Variants in LRRC3B observed in about 807,000 individuals in gnomAD.
LRRC3B encodes the protein leucine rich repeat containing 3B.
In LRRC3B, 2 loss-of-function variants were observed where a neutral mutation model predicts 12.8. The observed-to-expected ratio is 0.16, with a 90% confidence interval of 0.06 to 0.49. LRRC3B has a LOEUF of 0.49. LRRC3B is among the 20% of genes least tolerant of loss of function. LRRC3B has a pLI of 0.96. For synonymous variants in LRRC3B, 132 were observed against 122.0 expected, an observed-to-expected ratio of 1.08 and a Z score of -0.54; for missense variants, 189 against 319.4, an observed-to-expected ratio of 0.59 and a Z score of 3.11.
chr3:26,707,715 T>C (rs573616444), intron 1 of LRRC3B, among the ~76,000 whole-genome samples: 1 of 152,316 alleles, frequency 6.6e-6, no homozygotes, highest in Non-Finnish European at 1.5e-5. Context: ...TCATGCCCTT[T>C]TCCTAGAATT....
chr3:26,684,409 A>G (rs902557137), intron 1 of LRRC3B, among the ~76,000 whole-genome samples: 4 of 152,118 alleles, frequency 2.6e-5, no homozygotes, highest in Non-Finnish European at 5.9e-5. Context: ...ACTCTTTTCT[A>G]TCTCCTTTCT....
At chr3:26,707,899 C>T (rs1363542689) in intron 1 of LRRC3B, among the ~76,000 whole-genome samples, 1 of 152,078 alleles carries the variant, frequency 6.6e-6, no homozygotes, top group Non-Finnish European at 1.5e-5. Flanking sequence ...TGATGGAGGG[C>T]TTAGTAAGCT....
intron 1 of LRRC3B, among the ~76,000 whole-genome samples, chr3:26,682,851 T>G (rs2125442621): frequency 6.6e-6 from 1 of 152,346 alleles, no homozygotes; most frequent in East Asian, 1.9e-4. Context: ...TCTACATCAA[T>G]TAGCTCTCTA....
intron 1 of LRRC3B, among the ~76,000 whole-genome samples, chr3:26,652,661 T>A (rs544118248): frequency 8.5e-5 from 13 of 152,306 alleles, no homozygotes; most frequent in African/African-American, 3.1e-4. Context: ...ATTTTCTATC[T>A]CATTCCTTGG....
rs559329895 is a variant in LRRC3B at position 26,690,596 on chromosome 3, G to C, written c.-160-18917G>C. On this transcript the variant is annotated intron_variant, in intron 1 of 1. Transcript: ENST00000396641. ...TGCTTCCCAGAGGAAAATCAACTCA[G>C]AGCAACATTATTCTCTGTGGAACTT... Among the ~76,000 whole-genome samples, 4 of 152,210 alleles carry C rather than the reference G, an allele frequency of 2.6e-5. No individual in the cohort carries two copies. The South Asian group carries it at 8.3e-4, about 32-fold the overall frequency.
chr3:26,705,017 G>T (rs762561542), intron 1 of LRRC3B, among the ~76,000 whole-genome samples: 2 of 152,118 alleles, frequency 1.3e-5, no homozygotes, highest in African/African-American at 2.4e-5. Context: ...CTGTGAGTTG[G>T]TACGCTCACT....
chr3:26,710,487 G>GA (rs745654263), exon 2 of LRRC3B: 1 of 1,516,442 alleles, frequency 6.6e-7, no homozygotes, highest in East Asian at 2.3e-5. Context: ...AAGAAAGAAA[G>GA]TAGTTTGCGA....
intron 1 of LRRC3B, among the ~76,000 whole-genome samples, chr3:26,666,996 C>T (rs1421458326): frequency 1.3e-5 from 2 of 151,706 alleles, no homozygotes; most frequent in African/African-American, 4.9e-5. Flanking sequence ...CAACTTTTGC[C>T]AGCAACAACA....
chr3:26,658,082 T>C (rs1006122070), intron 1 of LRRC3B, among the ~76,000 whole-genome samples: 4 of 152,186 alleles, frequency 2.6e-5, no homozygotes, highest in African/African-American at 9.6e-5. Context: ...CAGCTTTCTT[T>C]CTTTCTTTTT....
rs371172682 is a variant in LRRC3B at position 26,638,352 on chromosome 3, T to C, written c.-161+15115T>C. ...TGTCATAGGTACTATAAAGGTAGTGTAGTCTGTTGCCTGCCTTTTAAATGG... is the reference window on the plus strand; with the variant it reads ...TGTCATAGGTACTATAAAGGTAGTGCAGTCTGTTGCCTGCCTTTTAAATGG... On this transcript the variant is annotated intron_variant, in intron 1 of 1. Transcript: ENST00000396641. Among the ~76,000 whole-genome samples, 4 of 152,144 alleles carry C rather than the reference T, an allele frequency of 2.6e-5. No homozygotes were observed. The East Asian group carries it at 5.8e-4, about 22-fold the overall frequency.
At chr3:26,658,803 A>C (rs1280523461) in intron 1 of LRRC3B, among the ~76,000 whole-genome samples, 1 of 152,060 alleles carries the variant, frequency 6.6e-6, no homozygotes, top group African/African-American at 2.4e-5. Flanking sequence ...CTTCAAGTCT[A>C]AGATTGCATC....
chr3:26,631,989 TTAGGGCTTC>T (rs1296236155), intron 1 of LRRC3B, among the ~76,000 whole-genome samples: 1 of 152,272 alleles, frequency 6.6e-6, no homozygotes, highest in Non-Finnish European at 1.5e-5. Flanking sequence ...ATTTCTTTGC[TTAGGGCTTC>T]CAGCCCTTAT....
At chr3:26,660,333 A>G (rs1440597989) in intron 1 of LRRC3B, among the ~76,000 whole-genome samples, 2 of 152,212 alleles carry the variant, frequency 1.3e-5, no homozygotes, top group East Asian at 3.8e-4. Context: ...TCATTTAGCC[A>G]GATCAAAATT....
At chr3:26,630,166 T>C (rs1013656735) in intron 1 of LRRC3B, among the ~76,000 whole-genome samples, 1 of 151,904 alleles carries the variant, frequency 6.6e-6, no homozygotes, top group African/African-American at 2.4e-5. Flanking sequence ...GGAAGAGGAA[T>C]GTACTAAATA....
At position 26,646,867 on chromosome 3, in the gene LRRC3B, T is replaced by G. The variant is rs148999284; in HGVS notation, c.-161+23630T>G. 3.4e-4 allele frequency among the ~76,000 whole-genome samples: 52 copies of G among 152,156 alleles called. 1 individual carries two copies. Among genetic ancestry groups the G allele is most frequent in the African/African-American group, 1.2e-3 (51 of 41,518 alleles). On this transcript the variant is annotated intron_variant, in intron 1 of 1. Coordinates refer to ENST00000396641, the Ensembl canonical transcript of LRRC3B. ...TTGGAGTCAGGGAACCTAATTTGAG[T>G]CCCAGTCCCACCACTTATGGCTGTG...
intron 1 of LRRC3B, among the ~76,000 whole-genome samples, chr3:26,644,203 A>G (rs1699094723): frequency 6.6e-6 from 1 of 152,252 alleles, no homozygotes; most frequent in African/African-American, 2.4e-5. Context: ...GCTTAGATAT[A>G]GCAGAAATCT....
chr3:26,640,005 A>G (rs944633720), intron 1 of LRRC3B, among the ~76,000 whole-genome samples: 1 of 152,182 alleles, frequency 6.6e-6, no homozygotes, highest in African/African-American at 2.4e-5. Flanking sequence ...CAGGATGGAT[A>G]AACAGCTAAA....
chr3:26,669,704 A>G (rs1699680610), intron 1 of LRRC3B, among the ~76,000 whole-genome samples: 1 of 152,224 alleles, frequency 6.6e-6, no homozygotes, highest in Admixed American at 6.5e-5. Context: ...TTTATACTTC[A>G]TTTATTTTCT....
intron 1 of LRRC3B, among the ~76,000 whole-genome samples, chr3:26,647,338 A>C (rs908358262): frequency 3.3e-5 from 5 of 152,080 alleles, no homozygotes; most frequent in Admixed American, 6.5e-5. Context: ...CTCAACCCAG[A>C]GATCCTGGGA....
Sources: allele counts gnomAD v4.1 joint callset (sites outside exome capture counted in the v4.1 genomes callset), GRCh38; gene constraint gnomAD v4.1.1; transcripts MANE v1.5; gene names NCBI Gene and HGNC (gene_info 2026-07-23, HGNC 2026-07-21).